The following SHCBP1L variants were observed in gnomAD, a reference collection of about 807,000 sequenced individuals.
SHCBP1L encodes testicular spindle-associated protein SHCBP1L.
In SHCBP1L, 67 loss-of-function variants were observed where a neutral mutation model predicts 62.5. The observed-to-expected ratio is 1.07, with a 90% CI of 0.88 to 1.31. The LOEUF is 1.31. SHCBP1L is among the 40% of genes most tolerant of loss of function. The pLI is 0.00. For synonymous variants in SHCBP1L, 284 were observed against 289.4 expected, an observed-to-expected ratio of 0.98 and a Z score of 0.19; for missense variants, 823 against 809.8, an observed-to-expected ratio of 1.02 and a Z score of -0.20.
intron 3 of SHCBP1L, 109 bp from the exon 4 acceptor site, chr1:182,939,662 G>T (rs1651294083): frequency 1.3e-6 from 1 of 798,950 alleles, no homozygotes; most frequent in Non-Finnish European, 1.9e-6. Context: ...TAATTCTTAA[G>T]CAAAATATTT....
At chr1:182,912,941 A>G (rs907947043) in intron 6 of SHCBP1L, among the ~76,000 whole-genome samples, 1 of 151,648 alleles carries the variant, frequency 6.6e-6, no homozygotes, top group Non-Finnish European at 1.5e-5. Context: ...TCAAGACCAG[A>G]CTGACCAATA....
At chr1:182,902,052 T>C (rs2101916764) in intron 9 of SHCBP1L, among the ~76,000 whole-genome samples, 1 of 147,016 alleles carries the variant, frequency 6.8e-6, no homozygotes, top group Non-Finnish European at 1.5e-5. Flanking sequence ...TTTTTCTTTC[T>C]TTTTTTTTCT....
At chr1:182,935,930 T>C (rs1220442243) in intron 5 of SHCBP1L, among the ~76,000 whole-genome samples, 2 of 152,200 alleles carry the variant, frequency 1.3e-5, no homozygotes, top group African/African-American at 2.4e-5. Flanking sequence ...CACATATAGT[T>C]GGATATTGTT....
chr1:182,942,024 C>T, intron 2 of SHCBP1L: 1 of 886,898 alleles, frequency 1.1e-6, no homozygotes, highest in Non-Finnish European at 1.8e-6. Context: ...CTTGCATTTA[C>T]AAAATAGTTG....
rs1472686654 is a variant in SHCBP1L, at chr1:182,903,042, C to T, written c.1707G>A (p.Met569Ile). Residue 569 changes from methionine (M) to isoleucine (I), a missense_variant, in exon 9 of 10, where the codon ATG becomes ATA. Physicochemically the swap from Met to Ile is conservative, Grantham distance 10. Transcript: ENST00000367547. ...SSKSTLGGVN[M>I]KVLPAPKLKM... ...ACATCAAGAAATAAGAGAATACCTT[C>T]ATATTAACTCCACCTAAGGTGCTTT... 3 of 1,579,208 alleles carry T rather than the reference C, an allele frequency of 1.9e-6. No individual in the cohort carries two copies. The highest frequency in any genetic ancestry group is 2.6e-6 in the Non-Finnish European group (3 of 1,164,116).
chr1:182,942,153 C>CTGAG, intron 2 of SHCBP1L: 1 of 961,452 alleles, frequency 1.0e-6, no homozygotes, highest in Non-Finnish European at 1.7e-6. Context: ...GCTGGACTCT[C>CTGAG]CTCAGTTTTC....
chr1:182,906,838 G>C (rs191184890), intron 6 of SHCBP1L, among the ~76,000 whole-genome samples: 31 of 151,206 alleles, frequency 2.1e-4, no homozygotes, highest in Non-Finnish European at 4.1e-4. Context: ...TTTATTTTGA[G>C]ACAGGGTCTC....
At chr1:182,950,166 C>G (rs1036327858) in intron 2 of SHCBP1L, among the ~76,000 whole-genome samples, 1 of 152,138 alleles carries the variant, frequency 6.6e-6, no homozygotes, top group Non-Finnish European at 1.5e-5. Context: ...TATAATACAA[C>G]AAGTTACATA....
At chr1:182,922,626 A>C (rs1358592992) in intron 6 of SHCBP1L, among the ~76,000 whole-genome samples, 1 of 152,168 alleles carries the variant, frequency 6.6e-6, no homozygotes, top group East Asian at 1.9e-4. Context: ...GAAATTAAGC[A>C]ATCTGCTCCT....
At chr1:182,906,433 T>C (rs1293564919) in intron 6 of SHCBP1L, among the ~76,000 whole-genome samples, 1 of 121,040 alleles carries the variant, frequency 8.3e-6, no homozygotes, top group East Asian at 2.1e-4. Context: ...AACAAAATTC[T>C]TTTTTTTTTT....
intron 9 of SHCBP1L, among the ~76,000 whole-genome samples, chr1:182,902,357 C>G (rs1400236033): frequency 6.6e-6 from 1 of 151,958 alleles, no homozygotes; most frequent in African/African-American, 2.4e-5. Flanking sequence ...GGCCTTGTAC[C>G]TTATTTTCAA....
Position 182,900,235 on chromosome 1 carries a change from C to A in SHCBP1L, c.1711-1G>T. 3 of 1,533,874 alleles carry A rather than the reference C, an allele frequency of 2.0e-6. No homozygotes were observed. Among genetic ancestry groups the A allele is most frequent in the Non-Finnish European group, 2.6e-6 (3 of 1,142,250 alleles). ...TCTTCAATTTGGGTGCTGGAAGAAC[C>A]TATTAAATTATTTGAGGAAATTAGT... On this transcript the variant is annotated splice_acceptor_variant, in intron 9 of 9. Coordinates refer to ENST00000367547, the MANE Select transcript of SHCBP1L (RefSeq NM_030933.4). LOFTEE classifies it high-confidence loss of function.
chr1:182,934,282 G>A (rs1450222589), intron 5 of SHCBP1L, among the ~76,000 whole-genome samples: 2 of 152,082 alleles, frequency 1.3e-5, no homozygotes, highest in Non-Finnish European at 1.5e-5. Flanking sequence ...CTCTAAAGAG[G>A]CAGTACCATT....
At chr1:182,942,495 T>G in intron 2 of SHCBP1L, 2 of 629,784 alleles carry the variant, frequency 3.2e-6, no homozygotes, top group African/African-American at 1.8e-5. Context: ...CTGCCACTCC[T>G]CCCGCCGCCC....
In SHCBP1L at chr1:182,900,108, C is replaced by T; in HGVS notation, c.1837G>A (p.Ala613Thr). Residue 613 changes from alanine (A) to threonine (T), a missense_variant, in exon 10 of 10, where the codon GCT (alanine) becomes ACT (threonine). By Grantham distance (58) the Ala-to-Thr change is moderately conservative. Coordinates refer to ENST00000367547, the MANE Select transcript of SHCBP1L (RefSeq NM_030933.4). ...IVAEEALNKR[A>T]SSGDKKDDKM... is the part of the protein sequence containing the mutation. The stretch of plus-strand genomic sequence containing the variant: ...TCATCTTTTTTATCTCCTGAAGAAG[C>T]CCTTTTGTTGAGAGCTTCTTCTGCT... 6.2e-7 allele frequency: 1 copy of T among 1,612,454 alleles called. No individual in the cohort carries two copies. The highest frequency in any genetic ancestry group is 8.5e-7 in the Non-Finnish European group (1 of 1,179,168).
In SHCBP1L at chr1:182,924,770, A is replaced by G. The variant is rs1169311879; in HGVS notation, c.1182+4877T>C. Among the ~76,000 whole-genome samples the G allele has an allele frequency of 2.6e-4, 29 of 110,632 alleles. No homozygotes were observed. The East Asian group carries it at 4.6e-3, about 18-fold the overall frequency. 72.6% of individuals were successfully genotyped at this position (110,632 alleles called of 152,430 possible). A position where few individuals can be genotyped will look rare whatever the true frequency, so the allele number is the denominator to read the frequency against. On this transcript the variant is annotated intron_variant, in intron 6 of 9. Transcript: ENST00000367547. ...AAAGAAAGAAAGAAAGAAAGAAAGA[A>G]AGAAAGAAAGAAAGAAAGAGAGAAA...
chr1:182,949,009 C>T (rs1177101106), intron 2 of SHCBP1L, among the ~76,000 whole-genome samples: 3 of 152,130 alleles, frequency 2.0e-5, no homozygotes, highest in Non-Finnish European at 4.4e-5. Flanking sequence ...TTACTAGACC[C>T]TCACAAATTC....
rs184838513 is a variant in SHCBP1L at position 182,941,156 on chromosome 1, T to C, written c.556-613A>G. Among the ~76,000 whole-genome samples the C allele has an allele frequency of 1.1e-3, 123 of 115,276 alleles. 2 individuals carry two copies. The highest frequency in any genetic ancestry group is 4.0e-3 in the African/African-American group (118 of 29,668). The allele number at this position is 115,276 out of a possible 152,430, so 75.6% of individuals were successfully genotyped here. On this transcript the variant is annotated intron_variant, in intron 2 of 9. Transcript: ENST00000367547. ...AGCAAAATAATAAAAATGACAATGA[T>C]AATAACAAAAAAACAAAAACAAACA...
intron 9 of SHCBP1L, among the ~76,000 whole-genome samples, chr1:182,901,864 G>A (rs547839544): frequency 1.3e-5 from 2 of 152,150 alleles, no homozygotes; most frequent in African/African-American, 2.4e-5. Context: ...CAAATTCTCA[G>A]GCTTTACCCT....
Sources: gnomAD v4.1 joint callset for allele counts (sites outside exome capture counted in the v4.1 genomes callset) on GRCh38, gnomAD v4.1.1 for gene constraint, MANE v1.5 for transcripts, NCBI Gene and HGNC (gene_info 2026-07-23, HGNC 2026-07-21) for gene names.